ESF1: variants seen among roughly 807,000 people sequenced by gnomAD.
ESF1 encodes ESF1 nucleolar pre-rRNA processing protein, also known as ESF1 homolog.
Under a neutral mutation model 92.0 loss-of-function variants are expected in ESF1, and 58 were observed. The observed-to-expected ratio is 0.63, with a 90% CI of 0.51 to 0.78. The LOEUF (loss-of-function observed/expected upper bound fraction) is 0.78. ESF1 is among the 30% of genes least tolerant of loss of function. The probability of loss-of-function intolerance (pLI) is 0.00; values close to 1 mark genes in which losing one functional copy is unlikely to be tolerated. For missense variants in ESF1, 922 were observed against 989.1 expected, an observed-to-expected ratio of 0.93 and a Z score of 0.91; for synonymous variants, 321 against 313.7, an observed-to-expected ratio of 1.02 and a Z score of -0.24.
At chr20:13,722,230 T>C (rs2049872964) in intron 11 of ESF1, among the ~76,000 whole-genome samples, 1 of 151,906 alleles carries the variant, frequency 6.6e-6, no homozygotes, top group Non-Finnish European at 1.5e-5. Flanking sequence ...AGGAGGACTG[T>C]AATAAGGGAG....
At chr20:13,733,591 A>T in intron 10 of ESF1, 130 bp downstream of exon 10, 1 of 960,328 alleles carries the variant, frequency 1.0e-6, no homozygotes, top group Non-Finnish European at 1.5e-6. Flanking sequence ...CCTCTTTCTT[A>T]AAATTGGGAT....
intron 8 of ESF1, among the ~76,000 whole-genome samples, chr20:13,763,078 G>T (rs559591509): frequency 6.6e-6 from 1 of 152,110 alleles, no homozygotes; most frequent in Admixed American, 6.5e-5. Flanking sequence ...AGCCAGGATG[G>T]TCTTGATCTC....
At chr20:13,738,062 G>A (rs2049987010) in intron 9 of ESF1, among the ~76,000 whole-genome samples, 1 of 152,162 alleles carries the variant, frequency 6.6e-6, no homozygotes. Flanking sequence ...GTAGGGAGAA[G>A]GAAGGACACA....
intron 3 of ESF1, 56 bp downstream of exon 3, chr20:13,775,817 T>C: frequency 6.5e-7 from 1 of 1,527,576 alleles, no homozygotes; most frequent in Admixed American, 2.2e-5. Flanking sequence ...CTACCAGCCA[T>C]AAAAGCTGCT....
intron 10 of ESF1, among the ~76,000 whole-genome samples, chr20:13,729,922 A>T (rs1417687485): frequency 6.6e-6 from 1 of 152,256 alleles, no homozygotes; most frequent in Non-Finnish European, 1.5e-5. Flanking sequence ...AACCAGACTG[A>T]ATTTATCTCT....
chr20:13,748,592 A>ATTTTTT (rs58809594), intron 9 of ESF1, among the ~76,000 whole-genome samples: 17 of 95,720 alleles, frequency 1.8e-4, no homozygotes, highest in African/African-American at 1.0e-3. Flanking sequence ...ATATATATAT[A>ATTTTTT]TTTTTTTTTT....
At chr20:13,734,534 C>T (rs2049963793) in intron 9 of ESF1, among the ~76,000 whole-genome samples, 1 of 152,186 alleles carries the variant, frequency 6.6e-6, no homozygotes, top group Non-Finnish European at 1.5e-5. Context: ...CTATAGTCTG[C>T]TGTTCCCGAT....
At chr20:13,763,353 A>C (rs1979290697) in intron 8 of ESF1, among the ~76,000 whole-genome samples, 2 of 152,178 alleles carry the variant, frequency 1.3e-5, no homozygotes, top group Admixed American at 1.3e-4. Flanking sequence ...TCTTAACAAG[A>C]ATGTATTAAC....
chr20:13,742,063 C>T lies in ESF1; in HGVS notation c.1829-8221G>A, dbSNP rs528319106. Among the ~76,000 whole-genome samples, 282 of 152,168 alleles carry T rather than the reference C, an allele frequency of 1.9e-3. 2 individuals carry two copies. The highest frequency in any genetic ancestry group is 1.1e-3 in the Non-Finnish European group (78 of 68,000). Reference sequence around the variant, plus strand: ...TGGAAATGTCAAGTAATATCACCACCCTTATAAAGTTCAACATTCATGGTC... The same window carrying T: ...TGGAAATGTCAAGTAATATCACCACTCTTATAAAGTTCAACATTCATGGTC... On this transcript the variant is annotated intron_variant, in intron 9 of 13. Transcript: ENST00000617257.
chr20:13,760,915 A>G (rs2147763066), intron 8 of ESF1, among the ~76,000 whole-genome samples: 1 of 152,362 alleles, frequency 6.6e-6, no homozygotes, highest in Non-Finnish European at 1.5e-5. Context: ...CCATGATGAC[A>G]ATGGCGGTTT....
chr20:13,756,145 G>A (rs939591517), intron 9 of ESF1, among the ~76,000 whole-genome samples: 28 of 152,202 alleles, frequency 1.8e-4, no homozygotes, highest in African/African-American at 6.3e-4. Flanking sequence ...ACGTTTGTAA[G>A]TATCTCTAAG....
intron 13 of ESF1, 103 bp from the exon 14 acceptor site, chr20:13,715,270 A>T: frequency 8.9e-7 from 1 of 1,122,802 alleles, no homozygotes; most frequent in Non-Finnish European, 1.2e-6. Flanking sequence ...TGAGTTGATT[A>T]TATAAAATAC....
chr20:13,768,742 C>T (rs1293287475), intron 7 of ESF1, among the ~76,000 whole-genome samples: 1 of 150,386 alleles, frequency 6.6e-6, no homozygotes, highest in Non-Finnish European at 1.5e-5. Flanking sequence ...ACTAAAAATA[C>T]AAAAATTAGC....
At chr20:13,770,549 T>C (rs1979637736) in intron 6 of ESF1, among the ~76,000 whole-genome samples, 1 of 152,228 alleles carries the variant, frequency 6.6e-6, no homozygotes, top group South Asian at 2.1e-4. Context: ...GGTCTCACTA[T>C]GTTGCCCAGG....
At chr20:13,776,948 A>G (rs915569861) in intron 2 of ESF1, among the ~76,000 whole-genome samples, 3 of 152,196 alleles carry the variant, frequency 2.0e-5, no homozygotes, top group Non-Finnish European at 4.4e-5. Context: ...AGTTAAGTAG[A>G]GGCCAAGCTA....
intron 10 of ESF1, among the ~76,000 whole-genome samples, chr20:13,730,213 C>T (rs1400661217): frequency 6.6e-6 from 1 of 152,042 alleles, no homozygotes; most frequent in Non-Finnish European, 1.5e-5. Context: ...GCTGGGATTA[C>T]AGGCGCCTGC....
At chr20:13,778,489 AAAGT>A (rs1481006279) in intron 2 of ESF1, among the ~76,000 whole-genome samples, 20 of 152,054 alleles carry the variant, frequency 1.3e-4, no homozygotes, top group African/African-American at 4.3e-4. Flanking sequence ...GAATTTTTTA[AAAGT>A]TAGTTTTGCT....
chr20:13,740,513 A>T (rs2050005338), intron 9 of ESF1, among the ~76,000 whole-genome samples: 1 of 152,240 alleles, frequency 6.6e-6, no homozygotes, highest in East Asian at 1.9e-4. Flanking sequence ...ATGAGTTATC[A>T]GATTCAGAGT....
At chr20:13,723,595 A>G (rs1007258984) in intron 11 of ESF1, among the ~76,000 whole-genome samples, 2 of 151,884 alleles carry the variant, frequency 1.3e-5, no homozygotes, top group Non-Finnish European at 2.9e-5. Flanking sequence ...AAAAATTATA[A>G]AAGATCTCTA....
Sources: allele counts gnomAD v4.1 joint callset (sites outside exome capture counted in the v4.1 genomes callset), GRCh38; gene constraint gnomAD v4.1.1; transcripts MANE v1.5; gene names NCBI Gene and HGNC (gene_info 2026-07-23, HGNC 2026-07-21).